Variants in PCSK5 observed in about 807,000 individuals in gnomAD.
The protein encoded by PCSK5 is prohormone convertase 5.
A neutral mutation model predicts 233.2 loss-of-function variants in PCSK5; 129 were observed. The ratio of observed to expected loss-of-function variants is 0.55; its 90% CI spans 0.48 to 0.64. The LOEUF (loss-of-function observed/expected upper bound fraction) is 0.64. PCSK5 is among the 30% of genes least tolerant of loss of function. The probability of loss-of-function intolerance (pLI) is 0.00; values close to 1 mark genes in which losing one functional copy is unlikely to be tolerated. For missense variants in PCSK5, 2,076 were observed against 2,430.1 expected, an observed-to-expected ratio of 0.85 and a Z score of 3.06; for synonymous variants, 825 against 879.2, an observed-to-expected ratio of 0.94 and a Z score of 1.09.
At chr9:76,040,428 C>T (rs1310073181) in intron 5 of PCSK5, among the ~76,000 whole-genome samples, 1 of 129,418 alleles carries the variant, frequency 7.7e-6, no homozygotes, top group African/African-American at 2.8e-5. Context: ...GGTCTTTCCT[C>T]ATAGATCAGC....
intron 10 of PCSK5, among the ~76,000 whole-genome samples, chr9:76,151,421 G>C (rs1325966913): frequency 6.6e-6 from 1 of 152,152 alleles, no homozygotes; most frequent in Non-Finnish European, 1.5e-5. Flanking sequence ...GGTTGTCTTT[G>C]AGTTCTCCTG....
intron 24 of PCSK5, among the ~76,000 whole-genome samples, chr9:76,278,649 T>C (rs1226936519): frequency 6.6e-6 from 1 of 152,186 alleles, no homozygotes; most frequent in Non-Finnish European, 1.5e-5. Flanking sequence ...TTTAGCTTTT[T>C]GCCTTCTGAT....
At chr9:75,965,374 C>T (rs1484887731) in intron 2 of PCSK5, among the ~76,000 whole-genome samples, 1 of 151,772 alleles carries the variant, frequency 6.6e-6, no homozygotes. Context: ...CCACGATTTG[C>T]GTCTGCAAGC....
chr9:76,230,309 G>A (rs902565932), intron 21 of PCSK5, among the ~76,000 whole-genome samples: 2 of 152,164 alleles, frequency 1.3e-5, no homozygotes, highest in African/African-American at 4.8e-5. Context: ...TGTTAGGGTG[G>A]ACATGGAGGG....
upstream of PCSK5, among the ~76,000 whole-genome samples, chr9:75,890,078 C>T (rs1419663027): frequency 6.6e-6 from 1 of 152,172 alleles, no homozygotes; most frequent in African/African-American, 2.4e-5. Context: ...TGTACTCTCC[C>T]GTGGCGTTGC....
chr9:76,188,946 GC>G (rs1431297651), intron 18 of PCSK5, 147 bp from the exon 19 acceptor site: 1 of 737,022 alleles, frequency 1.4e-6, no homozygotes, highest in Non-Finnish European at 2.1e-6. Flanking sequence ...AACTTTGAAG[GC>G]TTTTTTCCCA....
At chr9:76,001,811 C>A (rs1346700015) in intron 3 of PCSK5, among the ~76,000 whole-genome samples, 1 of 151,978 alleles carries the variant, frequency 6.6e-6, no homozygotes, top group African/African-American at 2.4e-5. Context: ...AGAATTTTGT[C>A]CAAGAAAATG....
intron 12 of PCSK5, among the ~76,000 whole-genome samples, chr9:76,163,605 C>G (rs1255991103): frequency 6.6e-6 from 1 of 152,160 alleles, no homozygotes; most frequent in Non-Finnish European, 1.5e-5. Context: ...CCTGTATACC[C>G]TGCCTAACAA....
chr9:75,941,761 G>A lies in PCSK5; in HGVS notation c.297+9278G>A, dbSNP rs187863270. Among the ~76,000 whole-genome samples the A allele has an allele frequency of 2.0e-5, 3 of 152,236 alleles. No individual in the cohort carries two copies. The East Asian group carries it at 5.8e-4, about 29-fold the overall frequency. ...TGGTGACACGATGATTAGGAGTGTGGAAGAGACCTGAAGAGGCATGTGGGT... is the reference window on the plus strand; with the variant it reads ...TGGTGACACGATGATTAGGAGTGTGAAAGAGACCTGAAGAGGCATGTGGGT... On this transcript the variant is annotated intron_variant, in intron 2 of 37. Transcript: ENST00000674117.
chr9:75,991,827 T>C (rs1002293228), intron 3 of PCSK5, among the ~76,000 whole-genome samples: 2 of 152,112 alleles, frequency 1.3e-5, no homozygotes, highest in Admixed American at 6.5e-5. Flanking sequence ...GGACTACCAA[T>C]TGAGAAAGTT....
At chr9:76,272,800 A>AAAAAG in intron 24 of PCSK5, among the ~76,000 whole-genome samples, 1 of 149,040 alleles carries the variant, frequency 6.7e-6, no homozygotes, top group Non-Finnish European at 1.5e-5. Context: ...AAAAAAAAAA[A>AAAAAG]AATTCACACT....
intron 24 of PCSK5, among the ~76,000 whole-genome samples, chr9:76,268,275 C>T (rs887703905): frequency 6.6e-6 from 1 of 152,180 alleles, no homozygotes; most frequent in African/African-American, 2.4e-5. Flanking sequence ...TTCTTCCCCA[C>T]CCACCCCACA....
intron 24 of PCSK5, among the ~76,000 whole-genome samples, chr9:76,285,959 G>A (rs1461940957): frequency 6.6e-6 from 1 of 152,120 alleles, no homozygotes; most frequent in Admixed American, 6.6e-5. Flanking sequence ...AAAGAGGAAA[G>A]AAAAGATCTG....
intron 20 of PCSK5, among the ~76,000 whole-genome samples, chr9:76,218,829 C>A (rs1825630685): frequency 6.6e-6 from 1 of 151,446 alleles, no homozygotes; most frequent in Non-Finnish European, 1.5e-5. Context: ...TCTTACGATG[C>A]TGACCCGCAG....
intron 3 of PCSK5, among the ~76,000 whole-genome samples, chr9:76,007,518 A>T (rs1469947071): frequency 6.6e-6 from 1 of 152,164 alleles, no homozygotes; most frequent in African/African-American, 2.4e-5. Context: ...TAATATTTTG[A>T]TACAGTAAGA....
chr9:76,279,686 T>C (rs1390286112), intron 24 of PCSK5, among the ~76,000 whole-genome samples: 1 of 151,364 alleles, frequency 6.6e-6, no homozygotes, highest in Non-Finnish European at 1.5e-5. Flanking sequence ...TTTTTTCACA[T>C]GTTTTTTGGC....
intron 1 of PCSK5, among the ~76,000 whole-genome samples, chr9:75,905,811 T>C (rs189429459): frequency 6.6e-6 from 1 of 152,296 alleles, no homozygotes; most frequent in East Asian, 1.9e-4. Flanking sequence ...TAATGCCTGA[T>C]GATCTGATAT....
At chr9:76,288,043 T>A (rs745563911) in intron 24 of PCSK5, 1 of 152,244 alleles carries the variant, frequency 6.6e-6, no homozygotes, top group East Asian at 1.9e-4. Context: ...TTTCCCAGTG[T>A]TTCCTGTTTA....
intron 2 of PCSK5, among the ~76,000 whole-genome samples, chr9:75,957,793 TAGTC>T (rs1469583106): frequency 2.0e-5 from 3 of 152,222 alleles, no homozygotes; most frequent in South Asian, 2.1e-4. Context: ...CATTTCCTGT[TAGTC>T]AAGAAGAAAA....
Sources: allele counts gnomAD v4.1 joint callset (sites outside exome capture counted in the v4.1 genomes callset), GRCh38; gene constraint gnomAD v4.1.1; transcripts MANE v1.5; gene names NCBI Gene and HGNC (gene_info 2026-07-23, HGNC 2026-07-21).